Variants in SNX24 observed in about 807,000 individuals in gnomAD.
The protein encoded by SNX24 is sorting nexin-24.
Under a neutral mutation model 28.7 loss-of-function variants are expected in SNX24, and 22 were observed. The ratio of observed to expected loss-of-function variants is 0.77; its 90% CI spans 0.55 to 1.10. SNX24 has a LOEUF of 1.10. Among genes scored for constraint, SNX24 ranks in the 50% least tolerant of loss-of-function variants. The probability of loss-of-function intolerance (pLI) is 0.00; values close to 1 mark genes in which losing one functional copy is unlikely to be tolerated. For synonymous variants in SNX24, 69 were observed against 71.5 expected, an observed-to-expected ratio of 0.96 and a Z score of 0.18; for missense variants, 221 against 201.1, an observed-to-expected ratio of 1.10 and a Z score of -0.60.
chr5:122,898,968 G>T (rs889253431), intron 1 of SNX24, among the ~76,000 whole-genome samples: 4 of 152,186 alleles, frequency 2.6e-5, no homozygotes, highest in African/African-American at 9.7e-5. Flanking sequence ...CACACAGGAG[G>T]GTGTCTAGAG....
chr5:122,948,427 T>G (rs1316535121), intron 3 of SNX24, among the ~76,000 whole-genome samples: 1 of 152,170 alleles, frequency 6.6e-6, no homozygotes, highest in Non-Finnish European at 1.5e-5. Flanking sequence ...ATGGTCCTGA[T>G]CTGGCCCATG....
intron 1 of SNX24, among the ~76,000 whole-genome samples, chr5:122,868,094 G>A (rs962954324): frequency 2.0e-5 from 3 of 152,156 alleles, no homozygotes; most frequent in Admixed American, 1.3e-4. Flanking sequence ...TAGAACCATC[G>A]TAAACCTCTG....
chr5:123,008,933 T>A lies in SNX24; in HGVS notation c.*1184T>A. Reference sequence around the variant, plus strand: ...AATTAATAGCTAGCCTATTTATGGTTATTCGTTTTAGTAAGTTCTGTGGGA... The same window carrying A: ...AATTAATAGCTAGCCTATTTATGGTAATTCGTTTTAGTAAGTTCTGTGGGA... On this transcript the variant is annotated 3_prime_UTR_variant, in exon 7 of 7. Coordinates refer to ENST00000261369, the MANE Select transcript of SNX24 (RefSeq NM_014035.4). The A allele has an allele frequency of 2.0e-6, 2 of 985,116 alleles. No homozygotes were observed. The highest frequency in any genetic ancestry group is 1.2e-6 in the Non-Finnish European group (1 of 829,234). The allele number at this position is 985,116 out of a possible 1,614,324, so 61.0% of individuals were successfully genotyped here.
chr5:123,012,763 G>C (rs1762613070), downstream of SNX24, among the ~76,000 whole-genome samples: 1 of 152,220 alleles, frequency 6.6e-6, no homozygotes, highest in African/African-American at 2.4e-5. Flanking sequence ...GGGTGCAGGA[G>C]AGCTTTTGGC....
rs767887627 is a variant in SNX24 at position 123,028,842 on chromosome 5, CTTG to C, written n.384-395_384-393del. The C allele has an allele frequency of 8.4e-4, 1,357 of 1,612,914 alleles. 1 individual carries two copies. Among genetic ancestry groups the C allele is most frequent in the Non-Finnish European group, 1.0e-3 (1,231 of 1,178,910 alleles). On this transcript the variant is annotated intron_variant and non_coding_transcript_variant, in intron 5 of 5. Coordinates refer to the SNX24 transcript ENST00000502387. ...TGAAATCCTTGATGACACGATGAAA[CTTG>C]CTTCCTTTATATCCATATCCTTTCT...
chr5:122,952,377 T>C (rs1759983598), intron 3 of SNX24, among the ~76,000 whole-genome samples: 1 of 152,172 alleles, frequency 6.6e-6, no homozygotes, highest in Non-Finnish European at 1.5e-5. Context: ...GTAAACAGAA[T>C]GGCTGGGAAG....
chr5:122,845,744 G>A, intron 1 of SNX24, 51 bp downstream of exon 1: 4 of 1,180,866 alleles, frequency 3.4e-6, no homozygotes, highest in Non-Finnish European at 4.4e-6. Context: ...GCCTGCGGCT[G>A]CTGCGCCCAG....
intron 3 of SNX24, among the ~76,000 whole-genome samples, chr5:122,972,475 G>C (rs1023201357): frequency 6.6e-6 from 1 of 152,202 alleles, no homozygotes; most frequent in Non-Finnish European, 1.5e-5. Context: ...CACCTAGCTG[G>C]CATTGTAATT....
chr5:122,910,335 T>G (rs1757825137), intron 1 of SNX24, among the ~76,000 whole-genome samples: 1 of 152,194 alleles, frequency 6.6e-6, no homozygotes, highest in Admixed American at 6.5e-5. Flanking sequence ...TTTTCATTTT[T>G]ACTTTTGAAA....
At chr5:123,016,290 G>A (rs1762676904) in intron 5 of SNX24, among the ~76,000 whole-genome samples, 2 of 152,296 alleles carry the variant, frequency 1.3e-5, no homozygotes, top group East Asian at 1.9e-4. Context: ...TGACATTGAA[G>A]TTGAGACCTA....
chr5:122,852,271 T>A (rs943193149), intron 1 of SNX24, among the ~76,000 whole-genome samples: 53 of 152,084 alleles, frequency 3.5e-4, no homozygotes, highest in African/African-American at 1.3e-3. Flanking sequence ...CTATTTTGTA[T>A]TTTTGAGAAC....
At chr5:122,929,177 T>C (rs1017540521) in intron 1 of SNX24, among the ~76,000 whole-genome samples, 6 of 151,932 alleles carry the variant, frequency 3.9e-5, no homozygotes, top group African/African-American at 1.4e-4. Context: ...CCTTCAGAGG[T>C]GTCTCTTCAC....
intron 3 of SNX24, among the ~76,000 whole-genome samples, chr5:122,990,073 T>C (rs1031668745): frequency 1.6e-4 from 25 of 152,218 alleles, no homozygotes; most frequent in Non-Finnish European, 2.6e-4. Flanking sequence ...TAACTTTCTT[T>C]ATAGATATGT....
At chr5:122,906,890 G>T (rs1757666242) in intron 1 of SNX24, among the ~76,000 whole-genome samples, 1 of 152,088 alleles carries the variant, frequency 6.6e-6, no homozygotes, top group Non-Finnish European at 1.5e-5. Context: ...AAGTGACAGG[G>T]GCAGGATTCG....
At chr5:122,891,756 G>A (rs1221948493) in intron 1 of SNX24, among the ~76,000 whole-genome samples, 2 of 152,098 alleles carry the variant, frequency 1.3e-5, no homozygotes, top group African/African-American at 2.4e-5. Flanking sequence ...TGTTATGTTC[G>A]GCTGTATTAT....
At chr5:122,883,196 G>A (rs930559963) in intron 1 of SNX24, among the ~76,000 whole-genome samples, 2 of 152,178 alleles carry the variant, frequency 1.3e-5, no homozygotes, top group African/African-American at 4.8e-5. Flanking sequence ...TAGTATGTGT[G>A]TGCATGTTTC....
chr5:122,952,353 A>G (rs957999403), intron 3 of SNX24, among the ~76,000 whole-genome samples: 1 of 152,220 alleles, frequency 6.6e-6, no homozygotes, highest in Non-Finnish European at 1.5e-5. Context: ...AAACAACAAT[A>G]CAACAACAAA....
chr5:122,912,973 T>A (rs1441959387), intron 1 of SNX24, among the ~76,000 whole-genome samples: 3 of 152,084 alleles, frequency 2.0e-5, no homozygotes. Flanking sequence ...GCACCGCCCT[T>A]AATCCATTTA....
chr5:122,929,422 G>A (rs1373806448), intron 1 of SNX24, among the ~76,000 whole-genome samples: 1 of 151,326 alleles, frequency 6.6e-6, no homozygotes, highest in East Asian at 2.0e-4. Context: ...ATTTTATATT[G>A]AGTATAGCTC....
Sources: gnomAD v4.1 joint callset for allele counts (sites outside exome capture counted in the v4.1 genomes callset) on GRCh38, gnomAD v4.1.1 for gene constraint, MANE v1.5 for transcripts, NCBI Gene and HGNC (gene_info 2026-07-23, HGNC 2026-07-21) for gene names.